AHRR: variants seen among roughly 807,000 people sequenced by gnomAD.
The protein encoded by AHRR is aryl hydrocarbon receptor repressor.
In AHRR, 28 loss-of-function variants were observed where a neutral mutation model predicts 44.0. The observed-to-expected ratio is 0.64, with a 90% CI of 0.47 to 0.87. The LOEUF (loss-of-function observed/expected upper bound fraction) is 0.87. AHRR is among the 40% of genes least tolerant of loss of function. AHRR has a pLI of 0.00. For synonymous variants in AHRR, 434 were observed against 407.0 expected (o/e 1.07, Z -0.80); for missense variants, 990 against 953.9 (o/e 1.04, Z -0.50).
chr5:355,237 G>A (rs546033339), intron 3 of AHRR, among the ~76,000 whole-genome samples: 2 of 152,250 alleles, frequency 1.3e-5, no homozygotes, highest in South Asian at 2.1e-4. Flanking sequence ...TTTCCAGGAG[G>A]GTTAAGATGT....
chr5:402,233 A>AC (rs1353319421), intron 4 of AHRR, among the ~76,000 whole-genome samples: 1 of 152,254 alleles, frequency 6.6e-6, no homozygotes, highest in African/African-American at 2.4e-5. Flanking sequence ...GCAAATGGAA[A>AC]CCGTCAGCGA....
intron 1 of AHRR, chr5:322,787 G>C (rs1256794935): frequency 6.6e-6 from 1 of 152,238 alleles, no homozygotes; most frequent in Non-Finnish European, 1.5e-5. Context: ...GAAAAGCCAC[G>C]AGTAACAAGA....
At chr5:343,274 C>A (rs1742411525) in intron 1 of AHRR, among the ~76,000 whole-genome samples, 1 of 146,170 alleles carries the variant, frequency 6.8e-6, no homozygotes, top group African/African-American at 2.5e-5. Context: ...CGGGACCCCA[C>A]ATACCTTTTC....
rs1259263785 is a variant in AHRR, at chr5:411,609, G to A, written c.352-1735G>A. Among the ~76,000 whole-genome samples, 1 of 152,026 alleles carries A rather than the reference G, an allele frequency of 6.6e-6. No individual in the cohort carries two copies. Among genetic ancestry groups the A allele is most frequent in the Non-Finnish European group, 1.5e-5 (1 of 67,994 alleles). ...TTTTTCAATGTCATTAGTAATCAAA[G>A]AAATGAAAACTATAATGGTAAAATA... is the stretch of plus-strand genomic sequence containing the variant. On this transcript the variant is annotated intron_variant, in intron 4 of 10. Transcript: ENST00000684583. This position sits in a 1 kb window ranked among gnomAD's most constrained non-coding sequence, Gnocchi z 4.2.
At chr5:427,182 C>T (rs142833131) in intron 7 of AHRR, among the ~76,000 whole-genome samples, 1 of 152,308 alleles carries the variant, frequency 6.6e-6, no homozygotes, top group Non-Finnish European at 1.5e-5. Context: ...CCATACAAGG[C>T]AGGAGTACCC....
rs139754342 is a variant in AHRR, at chr5:404,208, C to A, written c.352-9136C>A. 4.4e-5 allele frequency: 23 copies of A among 522,940 alleles called. No homozygotes were observed. Among genetic ancestry groups the A allele is most frequent in the South Asian group, 3.5e-4 (22 of 63,338 alleles). 32.4% of individuals were successfully genotyped at this position (522,940 alleles called of 1,614,324 possible). On this transcript the variant is annotated intron_variant, in intron 4 of 10. Transcript: ENST00000684583. This position sits in a 1 kb window ranked among gnomAD's most constrained non-coding sequence, Gnocchi z 4.1. ...GGTCTTCTGCAGCCTTTGAACCCGTCGCAGCTCTCGCTCATCCATGAGTCT... is the reference window on the plus strand; with the variant it reads ...GGTCTTCTGCAGCCTTTGAACCCGTAGCAGCTCTCGCTCATCCATGAGTCT...
intron 4 of AHRR, among the ~76,000 whole-genome samples, chr5:397,400 C>T (rs1216927174): frequency 1.5e-5 from 2 of 135,528 alleles, no homozygotes; most frequent in African/African-American, 5.2e-5. Flanking sequence ...CATGTTAGCC[C>T]CTGACCATCC....
At chr5:417,506 C>G (rs1365210231) in intron 5 of AHRR, among the ~76,000 whole-genome samples, 1 of 152,234 alleles carries the variant, frequency 6.6e-6, no homozygotes, top group African/African-American at 2.4e-5. Flanking sequence ...TCTGCATGCT[C>G]AGAATCACTG....
At chr5:368,136 C>G in intron 3 of AHRR, 1 of 595,032 alleles carries the variant, frequency 1.7e-6, no homozygotes, top group East Asian at 2.8e-5. Context: ...TGAGCTGGCA[C>G]TCCTCGTTGA....
At chr5:329,926 TTCC>T (rs1741854181) in intron 1 of AHRR, among the ~76,000 whole-genome samples, 1 of 152,230 alleles carries the variant, frequency 6.6e-6, no homozygotes, top group Non-Finnish European at 1.5e-5. Context: ...ATAATTTGAC[TTCC>T]TCTTTTCCAG....
chr5:367,874 C>T (rs1025521369), intron 3 of AHRR: 13 of 702,430 alleles, frequency 1.9e-5, no homozygotes, highest in Admixed American at 1.6e-4. Flanking sequence ...AGGCCCATGT[C>T]GTTCAGGAGG....
chr5:380,089 A>G (rs1392376214), intron 4 of AHRR, among the ~76,000 whole-genome samples: 2 of 152,218 alleles, frequency 1.3e-5, no homozygotes. Flanking sequence ...TAGAAAGACT[A>G]TCTTTTTATA....
intron 3 of AHRR, 66 bp from the exon 4 acceptor site, chr5:376,544 G>GTGCA (rs1733680265): frequency 2.8e-6 from 4 of 1,405,672 alleles, no homozygotes; most frequent in African/African-American, 1.5e-5. Context: ...CAGGAAAGAT[G>GTGCA]TGAATGAAGA....
intron 3 of AHRR, among the ~76,000 whole-genome samples, chr5:354,373 G>A (rs1428000479): frequency 3.3e-5 from 5 of 152,276 alleles, no homozygotes; most frequent in East Asian, 1.9e-4. Context: ...GGTGGGACCC[G>A]GGGGCTGCCC....
intron 4 of AHRR, among the ~76,000 whole-genome samples, chr5:412,406 G>A (rs573070185): frequency 2.6e-5 from 4 of 152,286 alleles, no homozygotes; most frequent in South Asian, 2.1e-4. Flanking sequence ...CCAGAAGCAC[G>A]TCACCCTCAT....
Position 404,555 on chromosome 5 carries a change from G to A in AHRR, c.352-8789G>A, listed in dbSNP as rs1312699310. 6 of 285,800 alleles carry A rather than the reference G, an allele frequency of 2.1e-5. No homozygotes were observed. The highest frequency in any genetic ancestry group is 1.2e-4 in the South Asian group (3 of 24,534). 17.7% of individuals were successfully genotyped at this position (285,800 alleles called of 1,614,324 possible). On this transcript the variant is annotated intron_variant, in intron 4 of 10. Transcript: ENST00000684583. This position sits in a 1 kb window ranked among gnomAD's most constrained non-coding sequence, Gnocchi z 4.1. ...AGAAAAAGAGCAGGCGTCCTGGGCC[G>A]GGGCAGGCGATTGGTACTAAAATGG...
At chr5:343,642 G>T in intron 1 of AHRR, 1 of 481,974 alleles carries the variant, frequency 2.1e-6, no homozygotes, top group Non-Finnish European at 3.6e-6. Context: ...GGCTTCTCTG[G>T]GGGAGGCCGG....
chr5:393,362 C>T (rs1226077258), intron 4 of AHRR, among the ~76,000 whole-genome samples: 1 of 152,246 alleles, frequency 6.6e-6, no homozygotes, highest in Non-Finnish European at 1.5e-5. Flanking sequence ...TCACGTCGCT[C>T]ACTAACCGAT....
chr5:353,611 T>G, intron 2 of AHRR, 119 bp from the exon 3 acceptor site: 1 of 929,956 alleles, frequency 1.1e-6, no homozygotes. Flanking sequence ...CTTCCCGTCT[T>G]TTGTCCTGGC....
Sources: gnomAD v4.1 joint callset for allele counts (sites outside exome capture counted in the v4.1 genomes callset) on GRCh38, gnomAD v4.1.1 for gene constraint, Gnocchi (gnomAD v3.1) non-coding constraint, MANE v1.5 for transcripts, NCBI Gene and HGNC (gene_info 2026-07-23, HGNC 2026-07-21) for gene names.